Variants in RAD52 observed in about 807,000 individuals in gnomAD.
RAD52 encodes the protein RAD52 DNA repair protein, also known as DNA repair protein RAD52 homolog.
In RAD52, 47 loss-of-function variants were observed where a neutral mutation model predicts 55.5. The observed-to-expected ratio is 0.85, with a 90% confidence interval of 0.67 to 1.08. The LOEUF is 1.08. Ranked by LOEUF, RAD52 falls within the 50% of genes least tolerant of loss-of-function variation. The pLI is 0.00. For synonymous variants in RAD52, 184 were observed against 198.9 expected (o/e 0.92, Z 0.63); for missense variants, 468 against 522.8 (o/e 0.90, Z 1.02).
chr12:928,925 C>T (rs1178878324), intron 5 of RAD52, among the ~76,000 whole-genome samples: 2 of 152,066 alleles, frequency 1.3e-5, no homozygotes, highest in Non-Finnish European at 2.9e-5. Flanking sequence ...AGTTCAGTGG[C>T]GCAATCACAG....
intron 3 of RAD52, 89 bp downstream of exon 3, chr12:931,131 G>C: frequency 9.3e-7 from 1 of 1,078,006 alleles, no homozygotes; most frequent in Middle Eastern, 2.1e-4. Context: ...GCAGACTTCC[G>C]AATCCCTGAG....
intron 1 of RAD52, among the ~76,000 whole-genome samples, chr12:965,402 C>G (rs760173789): frequency 3.9e-5 from 6 of 152,174 alleles, no homozygotes; most frequent in Non-Finnish European, 7.4e-5. Flanking sequence ...ATGCTGTACT[C>G]AGAACCTCTT....
chr12:985,240 G>A (rs1959071786), intron 1 of RAD52, among the ~76,000 whole-genome samples: 2 of 152,156 alleles, frequency 1.3e-5, no homozygotes, highest in South Asian at 2.1e-4. Context: ...TCCTGGGTTC[G>A]AGGAATCCTT....
At chr12:939,331 G>C (rs1957803939) in intron 1 of RAD52, among the ~76,000 whole-genome samples, 1 of 151,752 alleles carries the variant, frequency 6.6e-6, no homozygotes, top group South Asian at 2.1e-4. Flanking sequence ...TTTATTTTTT[G>C]TAGAGACACG....
upstream of RAD52, among the ~76,000 whole-genome samples, chr12:954,410 T>A (rs1321157604): frequency 6.6e-6 from 1 of 152,174 alleles, no homozygotes; most frequent in Non-Finnish European, 1.5e-5. Flanking sequence ...GGTGGGTGGA[T>A]CACTTGAGGT....
intron 1 of RAD52, among the ~76,000 whole-genome samples, chr12:941,921 G>A (rs569561106): frequency 1.3e-5 from 2 of 152,312 alleles, no homozygotes; most frequent in African/African-American, 4.8e-5. Context: ...ACAGGCATAA[G>A]CCACTGCACC....
At chr12:959,643 A>T (rs1346002563) in intron 1 of RAD52, among the ~76,000 whole-genome samples, 1 of 152,224 alleles carries the variant, frequency 6.6e-6, no homozygotes, top group African/African-American at 2.4e-5. Context: ...ATCAGGGGGC[A>T]CCAGAATCCA....
intron 9 of RAD52, 135 bp from the exon 10 acceptor site, chr12:914,667 T>G: frequency 9.6e-7 from 1 of 1,043,416 alleles, no homozygotes; most frequent in Non-Finnish European, 1.4e-6. Flanking sequence ...GCGCTGCTTC[T>G]GCCAGTAAAA....
chr12:923,575 A>T (rs76491426), intron 7 of RAD52, among the ~76,000 whole-genome samples: 17 of 73,050 alleles, frequency 2.3e-4, no homozygotes, highest in Non-Finnish European at 5.5e-5. Context: ...AAATAAATTA[A>T]AAAAAAAAAA....
chr12:935,380 C>CT (rs34383735), intron 1 of RAD52, among the ~76,000 whole-genome samples: 1,512 of 128,478 alleles, frequency 0.012, 28 homozygotes, highest in African/African-American at 0.039. Context: ...ACCTGTGAAT[C>CT]TTTTTTTTTT....
chr12:914,522 C>G lies in RAD52; in HGVS notation c.876G>C (p.Pro292=), dbSNP rs1345387722. ...GAGTGCTGTGCGTCACAGGAGGGGCCGGAGGCGCTGCTACGGTTCACAGAG... is the reference window on the plus strand; with the variant it reads ...GAGTGCTGTGCGTCACAGGAGGGGCGGGAGGCGCTGCTACGGTTCACAGAG... The part of the protein sequence containing the change: ...PSAEKSEAAP[P]APPVTHSTPV... The change falls in exon 10 of 12, where the codon CCG becomes CCC. Residue 292 remains proline, a synonymous_variant. Coordinates refer to ENST00000358495, the MANE Select transcript of RAD52 (RefSeq NM_134424.4). The G allele has an allele frequency of 1.9e-6, 3 of 1,613,426 alleles. No homozygotes were observed. Among genetic ancestry groups the G allele is most frequent in the South Asian group, 1.1e-5 (1 of 91,036 alleles).
At chr12:927,354 G>C in intron 5 of RAD52, 91 bp from the exon 6 acceptor site, 2 of 961,332 alleles carry the variant, frequency 2.1e-6, no homozygotes, top group South Asian at 2.8e-5. Flanking sequence ...TTCAAAGCCG[G>C]ACTCTCCCAC....
intron 2 of RAD52, among the ~76,000 whole-genome samples, chr12:932,460 A>G (rs1170842633): frequency 6.6e-6 from 1 of 152,162 alleles, no homozygotes; most frequent in Admixed American, 6.5e-5. Flanking sequence ...GCACCACTGC[A>G]CTGCAGCCTG....
intron 1 of RAD52, among the ~76,000 whole-genome samples, chr12:944,608 TA>T (rs778682036): frequency 0.04 from 3,771 of 93,576 alleles, 70 homozygotes; most frequent in Non-Finnish European, 0.065. Context: ...AAAAACATGG[TA>T]AAAAAAAAAA....
At position 914,442 on chromosome 12, in the gene RAD52, T is replaced by C. The variant is rs1956248977; in HGVS notation, c.956A>G (p.Gln319Arg). The change falls in exon 10 of 12, where the codon CAA (glutamine) becomes CGA (arginine). Residue 319 changes from glutamine to arginine, a missense_variant. Transcript: ENST00000358495. ...TTCAAGGTATTTACTGATTAATTCT[T>C]GAGTCACTCCTGCAAGGAAGTCTTT... ...LEKDFLAGVT[Q>R]ELIKTLEDNS... 6.2e-7 allele frequency: 1 copy of C among 1,613,880 alleles called. No homozygotes were observed.
At chr12:925,624 A>G in intron 6 of RAD52, 99 bp from the exon 7 acceptor site, 1 of 935,046 alleles carries the variant, frequency 1.1e-6, no homozygotes, top group East Asian at 2.5e-5. Flanking sequence ...GCTTCTCAGG[A>G]GCAGCAGAGG....
chr12:961,392 C>T (rs992337391), intron 1 of RAD52, among the ~76,000 whole-genome samples: 5 of 150,698 alleles, frequency 3.3e-5, no homozygotes, highest in African/African-American at 7.3e-5. Flanking sequence ...AATTATGTTC[C>T]TCCCAAATTC....
chr12:976,207 C>G (rs1025618106), intron 1 of RAD52: 1 of 152,364 alleles, frequency 6.6e-6, no homozygotes, highest in African/African-American at 2.4e-5. Context: ...GTAATCCCAG[C>G]TACTTGGGAG....
chr12:979,447 A>G (rs1050617896), intron 1 of RAD52, among the ~76,000 whole-genome samples: 4 of 149,428 alleles, frequency 2.7e-5, no homozygotes, highest in Non-Finnish European at 3.0e-5. Context: ...TCACGAAAAG[A>G]AAAAAAAAAG....
Sources: gnomAD v4.1 joint callset for allele counts (sites outside exome capture counted in the v4.1 genomes callset) on GRCh38, gnomAD v4.1.1 for gene constraint, MANE v1.5 for transcripts, NCBI Gene and HGNC (gene_info 2026-07-23, HGNC 2026-07-21) for gene names.